VIPR1: variants seen among roughly 807,000 people sequenced by gnomAD.
VIPR1 encodes vasoactive intestinal peptide receptor 1.
In VIPR1, 59 loss-of-function variants were observed where a neutral mutation model predicts 58.8. That is an observed-to-expected ratio of 1.00 (90% confidence interval 0.81 to 1.25). The LOEUF is 1.25. Among genes scored for constraint, VIPR1 ranks in the 50% most tolerant of loss-of-function variants. The pLI is 0.00. For synonymous variants in VIPR1, 251 were observed against 242.1 expected (o/e 1.04, Z -0.34); for missense variants, 626 against 602.7 (o/e 1.04, Z -0.40).
At chr3:42,531,396 A>C (rs1577253809) in intron 7 of VIPR1, 75 bp from the exon 8 acceptor site, 3 of 1,486,086 alleles carry the variant, frequency 2.0e-6, no homozygotes, top group East Asian at 4.9e-5. Flanking sequence ...GCTTTTCTCC[A>C]AAATCTCTCC....
chr3:42,535,304 G>T, intron 11 of VIPR1, 39 bp from the exon 12 acceptor site: 1 of 1,612,786 alleles, frequency 6.2e-7, no homozygotes, highest in Middle Eastern at 1.7e-4. Flanking sequence ...GGGGCTTCTG[G>T]TCTGTCTACC....
chr3:42,520,383 T>A (rs1700852014), intron 3 of VIPR1, among the ~76,000 whole-genome samples: 1 of 152,190 alleles, frequency 6.6e-6, no homozygotes, highest in Non-Finnish European at 1.5e-5. Context: ...TTTAGATTTT[T>A]AACGTCTAAC....
At chr3:42,518,944 G>GC (rs1452784333) in intron 2 of VIPR1, among the ~76,000 whole-genome samples, 2 of 152,168 alleles carry the variant, frequency 1.3e-5, no homozygotes, top group Non-Finnish European at 1.5e-5. Context: ...CCCTATTGCT[G>GC]CAACAGTCAA....
At chr3:42,518,035 AT>A (rs1352000107) in intron 2 of VIPR1, among the ~76,000 whole-genome samples, 7 of 151,904 alleles carry the variant, frequency 4.6e-5, no homozygotes, top group Admixed American at 4.6e-4. Flanking sequence ...GTCTCAAAAC[AT>A]TTTCTAATGC....
chr3:42,511,838 C>G (rs555283756), intron 1 of VIPR1: 3 of 152,260 alleles, frequency 2.0e-5, no homozygotes, highest in African/African-American at 7.2e-5. Context: ...CACTATTCCC[C>G]CTATACTTGA....
chr3:42,497,521 A>G (rs1363309061), intron 1 of VIPR1, among the ~76,000 whole-genome samples: 2 of 152,150 alleles, frequency 1.3e-5, no homozygotes, highest in Non-Finnish European at 2.9e-5. Context: ...CTGCTTTTGA[A>G]AACAGGGTGG....
In VIPR1 at chr3:42,528,094, G is replaced by A. The variant is rs780256683; in HGVS notation, c.607G>A (p.Gly203Arg). The A allele has an allele frequency of 8.1e-6, 13 of 1,613,754 alleles. No individual in the cohort carries two copies. The highest frequency in any genetic ancestry group is 1.7e-4 in the Middle Eastern group (1 of 6,052). ...CAAAGACTTGGCCCTCTTCGACAGC[G>A]GGGAGTCGGACCAGTGCTCCGAGGG... ...FIKDLALFDS[G>R]ESDQCSEGSV... Residue 203 changes from glycine (G) to arginine (R), a missense_variant, in exon 6 of 13, where the codon GGG (glycine) becomes AGG (arginine). By Grantham distance (125) the Gly-to-Arg change is moderately radical. Transcript: ENST00000325123.
chr3:42,498,822 C>T (rs1010973472), upstream of VIPR1, among the ~76,000 whole-genome samples: 7 of 152,062 alleles, frequency 4.6e-5, no homozygotes, highest in East Asian at 1.9e-4. Flanking sequence ...GGTGTTGAGA[C>T]GTGAAGGATG....
At chr3:42,489,992 G>A (rs1301145708) in intron 1 of VIPR1, among the ~76,000 whole-genome samples, 5 of 151,888 alleles carry the variant, frequency 3.3e-5, no homozygotes, top group East Asian at 1.9e-4. Context: ...CACAGTTCCC[G>A]CGAAGCCCTT....
At chr3:42,492,770 G>A (rs1358807660) in intron 1 of VIPR1, among the ~76,000 whole-genome samples, 1 of 152,204 alleles carries the variant, frequency 6.6e-6, no homozygotes, top group Admixed American at 6.5e-5. Context: ...TCTCCCTTGA[G>A]CAGCACTAGA....
chr3:42,537,030 C>G lies in VIPR1; in HGVS notation c.*749C>G, dbSNP rs957803405. ...ATGCTAGGTCTCGGACTAAGCCTAC[C>G]TGCTCTCCAAGTCTCAGTGGCTTCA... On this transcript the variant is annotated 3_prime_UTR_variant, in exon 13 of 13. Transcript: ENST00000325123. The G allele has an allele frequency of 6.6e-6, 1 of 152,200 alleles. No homozygotes were observed. The highest frequency in any genetic ancestry group is 1.5e-5 in the Non-Finnish European group (1 of 68,052). 9.4% of individuals were successfully genotyped at this position (152,200 alleles called of 1,614,324 possible). A position where few individuals can be genotyped will look rare whatever the true frequency, so the allele number is the denominator to read the frequency against.
intron 1 of VIPR1, among the ~76,000 whole-genome samples, chr3:42,508,402 C>A (rs537029129): frequency 6.6e-6 from 1 of 152,284 alleles, no homozygotes; most frequent in East Asian, 1.9e-4. Flanking sequence ...CTAGGCTCTG[C>A]CACCTCGTGA....
intron 3 of VIPR1, among the ~76,000 whole-genome samples, chr3:42,522,257 G>A (rs1470289978): frequency 1.3e-5 from 2 of 150,292 alleles, no homozygotes; most frequent in African/African-American, 4.9e-5. Flanking sequence ...GACTGCAGGC[G>A]CCCGCCACCA....
At chr3:42,515,241 G>A (rs899517041) in intron 2 of VIPR1, among the ~76,000 whole-genome samples, 1 of 152,240 alleles carries the variant, frequency 6.6e-6, no homozygotes, top group Non-Finnish European at 1.5e-5. Context: ...CTGGTGCCCA[G>A]GCTGTCTGCC....
intron 5 of VIPR1, chr3:42,527,698 CT>C (rs1701307121): frequency 1.6e-6 from 1 of 642,368 alleles, no homozygotes; most frequent in Non-Finnish European, 2.7e-6. Context: ...CTAGTCTCCC[CT>C]AGGATGGCCC....
chr3:42,527,740 G>C (rs2125670125), intron 5 of VIPR1: 1 of 639,460 alleles, frequency 1.6e-6, no homozygotes, highest in Admixed American at 2.9e-5. Context: ...CAGAGAGTGG[G>C]GCCTGCACAC....
Position 42,530,855 on chromosome 3 carries a change from T to C in VIPR1, c.713T>C (p.Leu238Pro), listed in dbSNP as rs1006013357. Reference sequence around the variant, plus strand: ...TTCTTCTGGCTGCTGGTGGAGGGCCTCTACCTGTACACCCTGCTTGCCGTC... The same window carrying C: ...TTCTTCTGGCTGCTGGTGGAGGGCCCCTACCTGTACACCCTGCTTGCCGTC... ...ANFFWLLVEG[L>P]YLYTLLAVSF... The change falls in exon 7 of 13, where the codon CTC (leucine) becomes CCC (proline). Residue 238 changes from leucine (L) to proline (P), a missense_variant. Transcript: ENST00000325123. 6.2e-7 allele frequency: 1 copy of C among 1,614,134 alleles called. No homozygotes were observed. The highest frequency in any genetic ancestry group is 8.5e-7 in the Non-Finnish European group (1 of 1,179,978).
At position 42,536,090 on chromosome 3, in the gene VIPR1, G is replaced by C; in HGVS notation, c.1183G>C (p.Val395Leu). ...AILYCFLNGE[V>L]QAELRRKWRR... ...GCCTGACCACCTTCCCCTCTCCTAGGTGCAGGCGGAGCTGAGGCGGAAGTG... is the reference window on the plus strand; with the variant it reads ...GCCTGACCACCTTCCCCTCTCCTAGCTGCAGGCGGAGCTGAGGCGGAAGTG... The change falls in exon 13 of 13, where the codon GTG (valine) becomes CTG (leucine). Residue 395 changes from valine (V) to leucine (L), a missense_variant and splice_region_variant. By Grantham distance (32) the Val-to-Leu change is conservative (BLOSUM62 1). Coordinates refer to ENST00000325123, the MANE Select transcript of VIPR1 (RefSeq NM_004624.4). The C allele has an allele frequency of 6.3e-7, 1 of 1,596,528 alleles. No individual in the cohort carries two copies.
intron 3 of VIPR1, chr3:42,521,561 T>C (rs1427462875): frequency 6.6e-6 from 1 of 152,148 alleles, no homozygotes; most frequent in Non-Finnish European, 1.5e-5. Context: ...GGAAGAATTA[T>C]ATCCACGGGA....
Sources: gnomAD v4.1 joint callset for allele counts (sites outside exome capture counted in the v4.1 genomes callset) on GRCh38, gnomAD v4.1.1 for gene constraint, MANE v1.5 for transcripts, NCBI Gene and HGNC (gene_info 2026-07-23, HGNC 2026-07-21) for gene names.